The following PTPRT variants were observed in gnomAD, a reference collection of about 807,000 sequenced individuals.
PTPRT encodes the protein receptor-type tyrosine-protein phosphatase T.
A neutral mutation model predicts 176.8 loss-of-function variants in PTPRT; 56 were observed. The observed-to-expected ratio is 0.32, with a 90% CI of 0.26 to 0.40. The LOEUF (loss-of-function observed/expected upper bound fraction) is 0.40. Ranked by LOEUF, PTPRT falls within the 10% of genes least tolerant of loss-of-function variation. PTPRT has a pLI of 1.00. For missense variants in PTPRT, 1,540 were observed against 1,908.2 expected, an observed-to-expected ratio of 0.81 and a Z score of 3.60; for synonymous variants, 783 against 739.0, an observed-to-expected ratio of 1.06 and a Z score of -0.96.
intron 18 of PTPRT, among the ~76,000 whole-genome samples, chr20:42,129,232 A>G (rs891778683): frequency 6.6e-6 from 1 of 152,226 alleles, no homozygotes; most frequent in Admixed American, 6.5e-5. Flanking sequence ...TAAAAACAGC[A>G]AGTTTACCTA....
chr20:42,402,858 A>C (rs2058922823), intron 9 of PTPRT, among the ~76,000 whole-genome samples: 1 of 152,012 alleles, frequency 6.6e-6, no homozygotes, highest in Non-Finnish European at 1.5e-5. Flanking sequence ...GTGTGTATAC[A>C]CATGCGTGTG....
chr20:42,975,924 A>G (rs1286874606), intron 1 of PTPRT, among the ~76,000 whole-genome samples: 1 of 147,678 alleles, frequency 6.8e-6, no homozygotes, highest in Non-Finnish European at 1.5e-5. Context: ...TTACCCCCCC[A>G]CCAAAAAAAA....
chr20:42,664,427 G>A (rs1325304120), intron 7 of PTPRT, among the ~76,000 whole-genome samples: 1 of 151,952 alleles, frequency 6.6e-6, no homozygotes, highest in East Asian at 1.9e-4. Context: ...TGGTGTATTT[G>A]CTTGCTTTTA....
chr20:42,526,439 A>G (rs2072269341), intron 7 of PTPRT, among the ~76,000 whole-genome samples: 1 of 151,606 alleles, frequency 6.6e-6, no homozygotes, highest in Admixed American at 6.6e-5. Flanking sequence ...TGTTTCTGTG[A>G]TGACTTTATT....
Position 42,159,199 on chromosome 20 carries a change from T to C in PTPRT, c.2682+2153A>G, listed in dbSNP as rs534673367. Among the ~76,000 whole-genome samples the C allele has an allele frequency of 8.6e-5, 13 of 151,860 alleles. No homozygotes were observed. In the South Asian group the frequency reaches 2.1e-3, roughly 24 times the overall value. Reference sequence around the variant, plus strand: ...CTAATGTTGAATATACCATTTCCTTTCTTTCTTTTTTTTTTTTCACCCAAA... The same window carrying C: ...CTAATGTTGAATATACCATTTCCTTCCTTTCTTTTTTTTTTTTCACCCAAA... On this transcript the variant is annotated intron_variant, in intron 17 of 30. Coordinates refer to ENST00000373187, the MANE Select transcript of PTPRT (RefSeq NM_007050.6).
chr20:43,087,532 G>T (rs2180435), intron 1 of PTPRT, among the ~76,000 whole-genome samples: 71,814 of 151,492 alleles, frequency 0.47, 17,684 homozygotes, highest in East Asian at 0.75. Flanking sequence ...CCCAGCTAAT[G>T]TTTGCATTTT....
At chr20:43,072,783 C>T (rs919366436) in intron 1 of PTPRT, among the ~76,000 whole-genome samples, 1 of 152,178 alleles carries the variant, frequency 6.6e-6, no homozygotes, top group Non-Finnish European at 1.5e-5. Flanking sequence ...ATGCTCTTCC[C>T]CTTCAAACTA....
intron 23 of PTPRT, among the ~76,000 whole-genome samples, chr20:42,108,553 A>C (rs1442647445): frequency 6.6e-6 from 1 of 152,376 alleles, no homozygotes; most frequent in Middle Eastern, 3.4e-3. Context: ...GCCTGGATAC[A>C]TAGCCATTTT....
At chr20:42,922,088 A>G (rs911348046) in intron 1 of PTPRT, among the ~76,000 whole-genome samples, 13 of 152,048 alleles carry the variant, frequency 8.5e-5, no homozygotes, top group Admixed American at 3.3e-4. Context: ...GGCGTGTACC[A>G]CCACACCTAG....
rs549471020 is a variant in PTPRT, at chr20:42,402,787, C to T, written c.1560+45433G>A. ...TACTCATGCCGCTTTGTGTTTTGCT[C>T]TCTCAGGGGGACTGTGGTTTGGGGG... is the stretch of plus-strand genomic sequence containing the variant. On this transcript the variant is annotated intron_variant, in intron 9 of 30. Coordinates refer to ENST00000373187, the MANE Select transcript of PTPRT (RefSeq NM_007050.6). Among the ~76,000 whole-genome samples, 7 of 149,902 alleles carry T rather than the reference C, an allele frequency of 4.7e-5. No homozygotes were observed. In the South Asian group the frequency reaches 1.3e-3, roughly 27 times the overall value.
intron 7 of PTPRT, among the ~76,000 whole-genome samples, chr20:42,589,755 T>C (rs1390806610): frequency 1.3e-5 from 2 of 152,212 alleles, no homozygotes; most frequent in Non-Finnish European, 2.9e-5. Context: ...CCTGATCTGT[T>C]TTGATCAGCC....
At position 42,917,873 on chromosome 20, in the gene PTPRT, A is replaced by G. The variant is rs139937576; in HGVS notation, c.89-31941T>C. Among the ~76,000 whole-genome samples, 692 of 152,270 alleles carry G rather than the reference A, an allele frequency of 4.5e-3. 4 individuals carry two copies. The highest frequency in any genetic ancestry group is 7.9e-3 in the Non-Finnish European group (537 of 68,018). ...TACAAAAGGAACTTCCGCTGCTGAC[A>G]CTGGAGAGGGAAGTGTTAAAAACCT... On this transcript the variant is annotated intron_variant, in intron 1 of 30. Coordinates refer to ENST00000373187, the MANE Select transcript of PTPRT (RefSeq NM_007050.6).
At chr20:43,160,805 G>A (rs1403806430) in intron 1 of PTPRT, among the ~76,000 whole-genome samples, 1 of 152,100 alleles carries the variant, frequency 6.6e-6, no homozygotes, top group Non-Finnish European at 1.5e-5. Flanking sequence ...CCAGTATAAG[G>A]GACTTTAAGA....
chr20:42,143,829 A>G (rs937979000), intron 17 of PTPRT, among the ~76,000 whole-genome samples: 4 of 152,208 alleles, frequency 2.6e-5, no homozygotes, highest in Non-Finnish European at 4.4e-5. Flanking sequence ...ATCAATGAGC[A>G]GGTTACCACT....
At chr20:42,655,060 A>G (rs1426576928) in intron 7 of PTPRT, among the ~76,000 whole-genome samples, 1 of 152,226 alleles carries the variant, frequency 6.6e-6, no homozygotes, top group Non-Finnish European at 1.5e-5. Context: ...GACATGTAAT[A>G]CCCCTTCCAC....
At chr20:42,758,277 A>T (rs1204012044) in intron 5 of PTPRT, among the ~76,000 whole-genome samples, 1 of 152,176 alleles carries the variant, frequency 6.6e-6, no homozygotes, top group Non-Finnish European at 1.5e-5. Context: ...CAGTTTCCCC[A>T]TGTGCATAAC....
chr20:43,119,609 A>G (rs1052555592), intron 1 of PTPRT, among the ~76,000 whole-genome samples: 11 of 152,214 alleles, frequency 7.2e-5, no homozygotes, highest in African/African-American at 2.7e-4. Flanking sequence ...GAGCACAGAT[A>G]CACCTGAATC....
intron 9 of PTPRT, among the ~76,000 whole-genome samples, chr20:42,432,360 C>T (rs142690307): frequency 3.3e-4 from 51 of 152,314 alleles, no homozygotes; most frequent in Non-Finnish European, 6.5e-4. Flanking sequence ...AGACCTGAGA[C>T]CACTGCTTGT....
In PTPRT at chr20:42,826,131, G is replaced by A. The variant is rs182498294; in HGVS notation, c.215-34665C>T. 4.9e-3 allele frequency among the ~76,000 whole-genome samples: 742 copies of A among 152,076 alleles called. 7 individuals carry two copies. Among genetic ancestry groups the A allele is most frequent in the South Asian group, 0.03 (144 of 4,794 alleles). On this transcript the variant is annotated intron_variant, in intron 2 of 30. Coordinates refer to ENST00000373187, the MANE Select transcript of PTPRT (RefSeq NM_007050.6). The stretch of plus-strand genomic sequence containing the variant: ...CTTCAAGGATTCTGTGGCCAGCTGA[G>A]AGGGGGTAAGTCACCAGGCAAAACC...
Sources: gnomAD v4.1 joint callset for allele counts (sites outside exome capture counted in the v4.1 genomes callset) on GRCh38, gnomAD v4.1.1 for gene constraint, MANE v1.5 for transcripts, NCBI Gene and HGNC (gene_info 2026-07-23, HGNC 2026-07-21) for gene names.